The following WDR59 variants were observed in gnomAD, a reference collection of about 807,000 sequenced individuals.
WDR59 encodes WD repeat domain 59.
In WDR59, 100 loss-of-function variants were observed where a neutral mutation model predicts 131.2. The observed-to-expected ratio is 0.76, with a 90% CI of 0.65 to 0.90. WDR59 has a LOEUF of 0.90. Ranked by LOEUF, WDR59 falls within the 40% of genes least tolerant of loss-of-function variation. WDR59 has a pLI of 0.00. For missense variants in WDR59, 1,203 were observed against 1,262.2 expected (o/e 0.95, Z 0.71); for synonymous variants, 601 against 466.2 (o/e 1.29, Z -3.72).
intron 8 of WDR59, 136 bp from the exon 9 acceptor site, chr16:74,924,139 T>C (rs2030543519): frequency 6.4e-6 from 5 of 777,420 alleles, no homozygotes; most frequent in East Asian, 2.7e-5. Flanking sequence ...GTTCAGCTCC[T>C]ATAACCACGC....
intron 18 of WDR59, among the ~76,000 whole-genome samples, chr16:74,901,370 C>G (rs1965542056): frequency 6.6e-6 from 1 of 151,864 alleles, no homozygotes; most frequent in Non-Finnish European, 1.5e-5. Context: ...GGGCAGAGAT[C>G]TACCATGGAA....
At chr16:74,976,285 T>G (rs1277019820) in intron 1 of WDR59, among the ~76,000 whole-genome samples, 1 of 152,208 alleles carries the variant, frequency 6.6e-6, no homozygotes, top group South Asian at 2.1e-4. Context: ...GTGGCAAAGC[T>G]GTTGCAATGC....
rs150833435 is a variant in WDR59, at chr16:74,933,014, T to C, written c.651+5136A>G. Among the ~76,000 whole-genome samples the C allele has an allele frequency of 1.9e-3, 291 of 152,320 alleles. 2 individuals carry two copies. Among genetic ancestry groups the C allele is most frequent in the African/African-American group, 6.6e-3 (274 of 41,568 alleles). ...ACATGTTGACAAAGCTGGCCAAATG[T>C]TATGGATTTTCTTGTAAAAAATGCC... On this transcript the variant is annotated intron_variant, in intron 8 of 25. Coordinates refer to ENST00000262144, the MANE Select transcript of WDR59 (RefSeq NM_030581.4).
intron 11 of WDR59, 42 bp downstream of exon 11, chr16:74,917,887 T>C: frequency 6.5e-7 from 1 of 1,546,652 alleles, no homozygotes; most frequent in Non-Finnish European, 8.9e-7. Flanking sequence ...CACTTTTTGG[T>C]GGATTCAGGT....
chr16:74,879,244 G>C (rs1964364667), intron 25 of WDR59, among the ~76,000 whole-genome samples: 2 of 152,182 alleles, frequency 1.3e-5, no homozygotes, highest in African/African-American at 4.8e-5. Flanking sequence ...TGTGGTCCCA[G>C]CTACTTAGGA....
chr16:74,964,516 T>A (rs1401182829), intron 2 of WDR59, among the ~76,000 whole-genome samples: 1 of 152,202 alleles, frequency 6.6e-6, no homozygotes, highest in Non-Finnish European at 1.5e-5. Context: ...GAAGGAAATT[T>A]ACTTTTCATT....
At chr16:74,943,415 G>A (rs2032379905) in intron 6 of WDR59, among the ~76,000 whole-genome samples, 1 of 152,014 alleles carries the variant, frequency 6.6e-6, no homozygotes, top group African/African-American at 2.4e-5. Context: ...CACTGATAAG[G>A]GAAAGGGAAC....
At chr16:74,875,938 C>G (rs1004044328) in intron 25 of WDR59, among the ~76,000 whole-genome samples, 3 of 152,136 alleles carry the variant, frequency 2.0e-5, no homozygotes, top group Admixed American at 6.6e-5. Flanking sequence ...CTTCTGTCCC[C>G]GAGATGGTGA....
intron 6 of WDR59, among the ~76,000 whole-genome samples, chr16:74,947,216 A>G (rs1442467591): frequency 1.3e-5 from 2 of 152,228 alleles, no homozygotes; most frequent in Non-Finnish European, 2.9e-5. Context: ...TGGGAGGCCA[A>G]GTCGGGTGGA....
chr16:74,899,716 T>C (rs1453418337), intron 18 of WDR59: 7 of 1,289,026 alleles, frequency 5.4e-6, no homozygotes, highest in African/African-American at 1.5e-5. Context: ...CGTTAATTGC[T>C]TGTATGGACC....
intron 1 of WDR59, among the ~76,000 whole-genome samples, chr16:74,977,930 T>G (rs962277088): frequency 1.3e-5 from 2 of 151,966 alleles, no homozygotes; most frequent in African/African-American, 4.8e-5. Context: ...AGACGCCAGG[T>G]AGGGTGGTGG....
chr16:74,902,967 A>C (rs1597674318), intron 18 of WDR59, among the ~76,000 whole-genome samples: 1 of 152,258 alleles, frequency 6.6e-6, no homozygotes, highest in East Asian at 1.9e-4. Context: ...GTTTTGCTCA[A>C]GACTGGTCTG....
intron 1 of WDR59, among the ~76,000 whole-genome samples, chr16:74,976,208 A>C (rs2145236767): frequency 6.6e-6 from 1 of 152,274 alleles, no homozygotes. Flanking sequence ...CTAGCCAAAT[A>C]ATTTGAGTTG....
chr16:74,893,650 G>A (rs750547383), intron 19 of WDR59, 29 bp downstream of exon 19: 3 of 1,609,644 alleles, frequency 1.9e-6, no homozygotes, highest in Admixed American at 1.7e-5. Context: ...TAAATGATGA[G>A]TGCAGCAGAC....
chr16:74,924,465 C>T lies in WDR59; in HGVS notation c.652-462G>A, dbSNP rs535493803. Among the ~76,000 whole-genome samples the T allele has an allele frequency of 2.1e-4, 32 of 152,122 alleles. No homozygotes were observed. In the South Asian group the frequency reaches 6.2e-3, roughly 30 times the overall value. On this transcript the variant is annotated intron_variant, in intron 8 of 25. Transcript: ENST00000262144. Reference sequence around the variant, plus strand: ...TTAATCTCTTTTTCAAATGTAGAGGCTATATAAAGAAACGACATAATGTGC... The same window carrying T: ...TTAATCTCTTTTTCAAATGTAGAGGTTATATAAAGAAACGACATAATGTGC...
intron 18 of WDR59, 118 bp from the exon 19 acceptor site, chr16:74,893,930 C>A: frequency 8.9e-7 from 1 of 1,128,762 alleles, no homozygotes; most frequent in South Asian, 1.6e-5. Context: ...TTACATCATG[C>A]CCACAATTAT....
intron 21 of WDR59, among the ~76,000 whole-genome samples, chr16:74,888,955 T>A (rs994976487): frequency 6.6e-6 from 1 of 152,238 alleles, no homozygotes; most frequent in African/African-American, 2.4e-5. Flanking sequence ...ATAATATTAA[T>A]GTCCTCCTAT....
At chr16:74,981,648 A>T (rs1265928192) in intron 1 of WDR59, among the ~76,000 whole-genome samples, 644 of 3,192 alleles carry the variant, frequency 0.2, 72 homozygotes, top group African/African-American at 0.31. Context: ...ATATATATAT[A>T]TATATATATA....
chr16:74,964,398 G>A (rs2033683097), intron 2 of WDR59, among the ~76,000 whole-genome samples: 1 of 149,862 alleles, frequency 6.7e-6, no homozygotes, highest in African/African-American at 2.5e-5. Context: ...AAAAGAGCAG[G>A]GAGCTGGAGG....
Sources: allele counts gnomAD v4.1 joint callset (sites outside exome capture counted in the v4.1 genomes callset), GRCh38; gene constraint gnomAD v4.1.1; transcripts MANE v1.5; gene names NCBI Gene and HGNC (gene_info 2026-07-23, HGNC 2026-07-21).